Variants in TEX11 observed in about 807,000 individuals in gnomAD.
TEX11 encodes testis expressed 11.
A neutral mutation model predicts 84.4 loss-of-function variants in TEX11; 7 were observed. That is an observed-to-expected ratio of 0.08 (90% CI 0.05 to 0.16). TEX11 has a LOEUF of 0.16. Among genes scored for constraint, TEX11 ranks in the 10% least tolerant of loss-of-function variants. TEX11 has a pLI of 1.00. For missense variants in TEX11, 551 were observed against 660.5 expected (o/e 0.83, Z 1.82); for synonymous variants, 264 against 222.8 (o/e 1.18, Z -1.64).
At chrX:70,669,089 A>C (rs1339179081) in intron 16 of TEX11, among the ~76,000 whole-genome samples, 1 of 112,107 alleles carries the variant, frequency 8.9e-6, no homozygotes, top group Non-Finnish European at 1.9e-5. Context: ...CCATTAGGAT[A>C]CCATGATGTC....
At chrX:70,794,766 A>G (rs1257728241) in intron 9 of TEX11, among the ~76,000 whole-genome samples, 1 of 109,672 alleles carries the variant, frequency 9.1e-6, no homozygotes, top group Non-Finnish European at 1.9e-5. Flanking sequence ...AGGTCCTGAA[A>G]GGATTCATCA....
At chrX:70,577,066 T>C (rs1490094738) in intron 25 of TEX11, among the ~76,000 whole-genome samples, 1 of 111,842 alleles carries the variant, frequency 8.9e-6, no homozygotes, top group African/African-American at 3.2e-5. Context: ...AGAACTCACA[T>C]ACACAACAAC....
At chrX:70,679,007 T>C in intron 14 of TEX11, 118 bp from the exon 15 acceptor site, 4 of 578,057 alleles carry the variant, frequency 6.9e-6, no homozygotes, top group Non-Finnish European at 1.1e-5. Context: ...GGTCTCCCTC[T>C]GATGCCGAGC....
intron 25 of TEX11, among the ~76,000 whole-genome samples, chrX:70,584,846 T>C (rs1310634988): frequency 9.0e-6 from 1 of 111,554 alleles, no homozygotes; most frequent in African/African-American, 3.3e-5. Flanking sequence ...ATTTTCAAGA[T>C]AAACTAGGAA....
chrX:70,636,741 C>A (rs1208009203), intron 17 of TEX11, among the ~76,000 whole-genome samples: 1 of 112,276 alleles, frequency 8.9e-6, no homozygotes, highest in Admixed American at 9.4e-5. Flanking sequence ...AAGAAGTCCA[C>A]CTCAGTGGAT....
chrX:70,792,333 T>A lies in TEX11; in HGVS notation c.692+14372A>T, dbSNP rs1602133570. The stretch of plus-strand genomic sequence containing the variant: ...AAAAAAAAATATATATATATATATA[T>A]ATATATATATATATATATATATATA... On this transcript the variant is annotated intron_variant, in intron 9 of 29. Coordinates refer to ENST00000374333, the MANE Select transcript of TEX11 (RefSeq NM_031276.3). Among the ~76,000 whole-genome samples, 8 of 6,653 alleles carry A rather than the reference T, an allele frequency of 1.2e-3. 1 individual carries two copies. Among genetic ancestry groups the A allele is most frequent in the African/African-American group, 2.2e-3 (2 of 906 alleles). The allele number at this position is 6,653 out of a possible 115,157, so 5.8% of individuals were successfully genotyped here.
chrX:70,670,456 G>C lies in TEX11; in HGVS notation c.1301C>G (p.Thr434Ser), dbSNP rs746739636. The change falls in exon 16 of 30, where the codon ACT becomes AGT. Residue 434 changes from threonine to serine, a missense_variant. Physicochemically the swap from Thr to Ser is moderately conservative, Grantham distance 58 (BLOSUM62 1). Coordinates refer to ENST00000374333, the MANE Select transcript of TEX11 (RefSeq NM_031276.3). Reference protein sequence around the residue: ...WYYYSLRFYSTDEMDLDFTKL... With the variant: ...WYYYSLRFYSSDEMDLDFTKL... ...GGTGAAGTCCAGATCCATTTCATCA[G>C]TTGAATAAAACCTCAGAGAATAATA... 1 of 1,209,602 alleles carries C rather than the reference G, an allele frequency of 8.3e-7. No homozygotes were observed. The highest frequency in any genetic ancestry group is 1.8e-5 in the South Asian group (1 of 56,564).
Position 70,605,460 on chromosome X carries a change from G to A in TEX11, c.2008C>T (p.Leu670Phe), listed in dbSNP as rs777298782. The A allele has an allele frequency of 1.7e-6, 2 of 1,209,966 alleles. No homozygotes were observed. The highest frequency in any genetic ancestry group is 3.5e-5 in the South Asian group (2 of 56,738). ...TCTAGATCAACTGCAACTGCCATAA[G>A]TAAACATGTTTTCCGTGCAATCAGA... is the stretch of plus-strand genomic sequence containing the variant. ...VILIARKTCL[L>F]MAVAVDLEQG... Residue 670 changes from leucine (L) to phenylalanine (F), a missense_variant, in exon 24 of 30, where the codon CTT (leucine) becomes TTT (phenylalanine). Transcript: ENST00000374333.
intron 7 of TEX11, among the ~76,000 whole-genome samples, chrX:70,842,108 G>A (rs2091449274): frequency 9.1e-6 from 1 of 110,359 alleles, no homozygotes; most frequent in Admixed American, 9.7e-5. Flanking sequence ...AGAAAAAGAG[G>A]GAATCCTCCC....
the TEX11 span, among the ~76,000 whole-genome samples, chrX:70,518,553 A>G: frequency 1.8e-5 from 2 of 111,930 alleles, no homozygotes; most frequent in Non-Finnish European, 3.8e-5. Flanking sequence ...CTATGTGGTC[A>G]ATTTTGGAAT....
the TEX11 span, among the ~76,000 whole-genome samples, chrX:70,521,157 C>T: frequency 9.0e-6 from 1 of 111,417 alleles, no homozygotes; most frequent in Non-Finnish European, 1.9e-5. Flanking sequence ...CACTGTCCAA[C>T]CAGTCCCAAT....
At chrX:70,833,372 C>CT (rs772524516) in intron 8 of TEX11, 141 bp downstream of exon 8, 2 of 456,285 alleles carry the variant, frequency 4.4e-6, no homozygotes, top group African/African-American at 5.1e-5. Flanking sequence ...ACAAAGGAAG[C>CT]AAAATATTTC....
chrX:70,900,395 A>AAAGAAG (rs1556245993), intron 2 of TEX11, among the ~76,000 whole-genome samples: 1,225 of 59,645 alleles, frequency 0.021, 66 homozygotes, highest in Middle Eastern at 0.054. Context: ...AAAAAAAAAA[A>AAAGAAG]AAGAAGAAGA....
At chrX:70,529,756 T>C (rs1408472326) in intron 29 of TEX11, 79 bp downstream of exon 29, 2 of 1,006,764 alleles carry the variant, frequency 2.0e-6, no homozygotes, top group Non-Finnish European at 2.7e-6. Flanking sequence ...GAGGATGGGG[T>C]TGAGTCCTTG....
rs1290920334 is a variant in TEX11 at position 70,553,318 on chromosome X, A to G, written c.2387T>C (p.Ile796Thr). ...LLYKKEEPID[I>T]SQYSKCMHNL... The stretch of plus-strand genomic sequence containing the variant: ...TGTATTTACTAACCTGTATTGTGAT[A>G]TATCAATTGGTTCTTCCTTTTTGTA... Residue 796 changes from isoleucine to threonine, a missense_variant, in exon 27 of 30, where the codon ATA (isoleucine) becomes ACA (threonine). By Grantham distance (89) the Ile-to-Thr change is moderately conservative. Coordinates refer to ENST00000374333, the MANE Select transcript of TEX11 (RefSeq NM_031276.3). The G allele has an allele frequency of 8.4e-7, 1 of 1,191,526 alleles. No homozygotes were observed. The highest frequency in any genetic ancestry group is 1.8e-5 in the African/African-American group (1 of 56,914).
chrX:70,529,200 A>G lies in TEX11; in HGVS notation c.2686-13T>C. 8.5e-7 allele frequency: 1 copy of G among 1,172,571 alleles called. No homozygotes were observed. The highest frequency in any genetic ancestry group is 1.8e-5 in the African/African-American group (1 of 57,048). On this transcript the variant is annotated splice_polypyrimidine_tract_variant and intron_variant, in intron 29 of 29. Coordinates refer to ENST00000374333, the MANE Select transcript of TEX11 (RefSeq NM_031276.3). Reference sequence around the variant, plus strand: ...ACAGCATATTCATCTGGGAAAGAGAACAACAAATAGATTTCTTGAGGGGAA... The same window carrying G: ...ACAGCATATTCATCTGGGAAAGAGAGCAACAAATAGATTTCTTGAGGGGAA...
chrX:70,571,122 G>T (rs1172922667), intron 25 of TEX11, among the ~76,000 whole-genome samples: 2 of 111,057 alleles, frequency 1.8e-5, no homozygotes, highest in Non-Finnish European at 3.8e-5. Flanking sequence ...AAGCTCAGGC[G>T]ATTCTCATGC....
chrX:70,616,590 C>T (rs1256474160), intron 20 of TEX11, among the ~76,000 whole-genome samples: 2 of 111,855 alleles, frequency 1.8e-5, no homozygotes, highest in African/African-American at 6.5e-5. Flanking sequence ...TGTTGCAGCA[C>T]TATTCACAAT....
chrX:70,621,377 C>T (rs1396828933), intron 20 of TEX11, among the ~76,000 whole-genome samples: 5 of 102,458 alleles, frequency 4.9e-5, no homozygotes, highest in East Asian at 3.1e-4. Context: ...AAAAATTAGC[C>T]GGGTGTGGTG....
Sources: gnomAD v4.1 joint callset for allele counts (sites outside exome capture counted in the v4.1 genomes callset) on GRCh38, gnomAD v4.1.1 for gene constraint, MANE v1.5 for transcripts, NCBI Gene and HGNC (gene_info 2026-07-23, HGNC 2026-07-21) for gene names.